Variants in NLRP14 observed in about 807,000 individuals in gnomAD.
The protein encoded by NLRP14 is NLR family pyrin domain containing 14, also known as NACHT, LRR and PYD domains-containing protein 14.
A neutral mutation model predicts 94.7 loss-of-function variants in NLRP14; 105 were observed. That is an observed-to-expected ratio of 1.11 (90% confidence interval 0.95 to 1.30). The LOEUF (loss-of-function observed/expected upper bound fraction) is 1.30. Ranked by LOEUF, NLRP14 falls within the 50% of genes most tolerant of loss-of-function variation. NLRP14 has a pLI of 0.00. For missense variants in NLRP14, 1,362 were observed against 1,254.1 expected, an observed-to-expected ratio of 1.09 and a Z score of -1.30; for synonymous variants, 508 against 459.9, an observed-to-expected ratio of 1.10 and a Z score of -1.34.
intron 1 of NLRP14, among the ~76,000 whole-genome samples, chr11:7,031,389 G>T (rs1280582736): frequency 6.6e-6 from 1 of 152,216 alleles, no homozygotes; most frequent in African/African-American, 2.4e-5. Context: ...CCCAGGGTGG[G>T]ACACTTCTGG....
Position 7,062,402 on chromosome 11 carries a change from C to T in NLRP14, c.2874C>T (p.Asn958=). The T allele has an allele frequency of 5.0e-6, 8 of 1,613,046 alleles. No individual in the cohort carries two copies. The highest frequency in any genetic ancestry group is 5.1e-6 in the Non-Finnish European group (6 of 1,179,290). The change falls in exon 10 of 12, where the codon AAC becomes AAT. Residue 958 remains asparagine (N), a synonymous_variant. Coordinates refer to ENST00000299481, the MANE Select transcript of NLRP14 (RefSeq NM_176822.4). ...DLASVILNNP[N]LRSLDLGNND... ...CTTCTGTTATTTTGAATAACCCAAA[C>T]CTGAGGAGCCTGGACCTTGGGAACA...
intron 6 of NLRP14, among the ~76,000 whole-genome samples, chr11:7,052,393 G>C (rs888712089): frequency 3.9e-5 from 6 of 152,218 alleles, no homozygotes; most frequent in Admixed American, 3.9e-4. Flanking sequence ...AGCACTTTGT[G>C]AGGCTGACAA....
At chr11:7,040,571 G>A (rs1269098287) in intron 3 of NLRP14, among the ~76,000 whole-genome samples, 2 of 152,078 alleles carry the variant, frequency 1.3e-5, no homozygotes, top group East Asian at 3.9e-4. Flanking sequence ...TCAGACCACT[G>A]GTTTATTAAC....
Position 7,043,579 on chromosome 11 carries a change from C to T in NLRP14, c.1553C>T (p.Thr518Ile), listed in dbSNP as rs763649817. 6 of 1,614,048 alleles carry T rather than the reference C, an allele frequency of 3.7e-6. No individual in the cohort carries two copies. Among genetic ancestry groups the T allele is most frequent in the African/African-American group, 2.7e-5 (2 of 74,924 alleles). The change falls in exon 4 of 12, where the codon ACA (threonine) becomes ATA (isoleucine). Residue 518 changes from threonine to isoleucine, a missense_variant. Physicochemically the swap from Thr to Ile is moderately conservative, Grantham distance 89. Transcript: ENST00000299481. ...FEDLKSLLQS[T>I]SYKDPHLTQM... The stretch of plus-strand genomic sequence containing the variant: ...GATTTGAAGTCATTACTTCAAAGCA[C>T]AAGTTATAAAGACCCCCATTTGACA...
At chr11:7,048,985 G>T (rs79185627) in intron 5 of NLRP14, among the ~76,000 whole-genome samples, 3 of 151,050 alleles carry the variant, frequency 2.0e-5, no homozygotes, top group Non-Finnish European at 2.9e-5. Context: ...TTATTTTCCT[G>T]TGTGTACTTG....
chr11:7,056,515 CAA>C (rs60703550), intron 6 of NLRP14, among the ~76,000 whole-genome samples: 2,173 of 122,810 alleles, frequency 0.018, 38 homozygotes, highest in African/African-American at 0.055. Context: ...AGCACTAATA[CAA>C]AAAAAAAAAA....
chr11:7,046,289 C>T (rs1032782601), intron 4 of NLRP14, among the ~76,000 whole-genome samples: 3 of 152,156 alleles, frequency 2.0e-5, no homozygotes, highest in African/African-American at 4.8e-5. Context: ...TACCACTTTA[C>T]ACCTAATGTC....
chr11:7,042,367 A>G (rs752739948), intron 3 of NLRP14, 21 bp from the exon 4 acceptor site: 81 of 1,608,142 alleles, frequency 5.0e-5, no homozygotes, highest in Non-Finnish European at 6.5e-5. Flanking sequence ...TTGTTTTTTT[A>G]CCTTTGCCAT....
chr11:7,088,376 C>T, the NLRP14 span, among the ~76,000 whole-genome samples: 3 of 152,060 alleles, frequency 2.0e-5, no homozygotes, highest in African/African-American at 7.2e-5. Flanking sequence ...TATATTACAG[C>T]TCAAGGCATG....
At position 7,046,930 on chromosome 11, in the gene NLRP14, A is replaced by G. The variant is rs1852361517; in HGVS notation, c.2123+98A>G. The G allele has an allele frequency of 6.8e-6, 6 of 882,018 alleles. No individual in the cohort carries two copies. In the Admixed American group the frequency reaches 8.6e-5, roughly 13 times the overall value. 54.6% of individuals were successfully genotyped at this position (882,018 alleles called of 1,614,324 possible). On this transcript the variant is annotated intron_variant, in intron 5 of 11. Transcript: ENST00000299481. The stretch of plus-strand genomic sequence containing the variant: ...GTTAGGGGAAGCCAATGCTAAACAA[A>G]TACTTACAATCCATTTTGTAAAATA...
intron 5 of NLRP14, among the ~76,000 whole-genome samples, chr11:7,049,294 C>T (rs1852405707): frequency 6.6e-6 from 1 of 152,164 alleles, no homozygotes; most frequent in African/African-American, 2.4e-5. Context: ...GTTATTACTG[C>T]ACATCAGACA....
intron 11 of NLRP14, 52 bp downstream of exon 11, chr11:7,070,508 G>A (rs774326238): frequency 2.3e-6 from 3 of 1,313,690 alleles, no homozygotes; most frequent in Non-Finnish European, 3.3e-6. Context: ...TGAGGGATTT[G>A]GGGAGCCACT....
At chr11:7,068,530 T>C (rs750041480) in intron 10 of NLRP14, among the ~76,000 whole-genome samples, 1 of 152,242 alleles carries the variant, frequency 6.6e-6, no homozygotes, top group Admixed American at 6.5e-5. Flanking sequence ...TTTCTTTTTA[T>C]ATTCAGTCTG....
At chr11:7,090,253 G>A in the NLRP14 span, 13 of 1,608,784 alleles carry the variant, frequency 8.1e-6, no homozygotes, top group Admixed American at 8.4e-5. Flanking sequence ...GGCGGAGGCC[G>A]TCTAGGAGGC....
chr11:7,090,794 C>G, the NLRP14 span: 1 of 171,942 alleles, frequency 5.8e-6, no homozygotes, highest in African/African-American at 2.4e-5. Flanking sequence ...TATTAAAAAG[C>G]AAACAACCAG....
At chr11:7,060,112 T>C (rs770984922) in intron 9 of NLRP14, 48 bp downstream of exon 9, 2 of 1,485,140 alleles carry the variant, frequency 1.3e-6, no homozygotes, top group Non-Finnish European at 1.9e-6. Flanking sequence ...CAACAGAGTG[T>C]CTGGGGAGAT....
At chr11:7,079,194 C>T in the NLRP14 span, among the ~76,000 whole-genome samples, 1 of 152,180 alleles carries the variant, frequency 6.6e-6, no homozygotes, top group Admixed American at 6.5e-5. Flanking sequence ...ATACGTTTAT[C>T]TTCTTCATCT....
At position 7,046,675 on chromosome 11, in the gene NLRP14, G is replaced by A. The variant is rs371823884; in HGVS notation, c.1966G>A (p.Asp656Asn). Residue 656 changes from aspartate (D) to asparagine (N), a missense_variant, in exon 5 of 12, where the codon GAT becomes AAT. Physicochemically the swap from Asp to Asn is conservative, Grantham distance 23 (BLOSUM62 1). Coordinates refer to ENST00000299481, the MANE Select transcript of NLRP14 (RefSeq NM_176822.4). Reference protein sequence around the residue: ...TSLPTNTWDGDRITHCWQDLC... With the variant: ...TSLPTNTWDGNRITHCWQDLC... ...TCAATTATTTATGCAAAGGGATGGT[G>A]ATCGCATTACTCACTGTTGGCAAGA... is the stretch of plus-strand genomic sequence containing the variant. The A allele has an allele frequency of 2.0e-5, 32 of 1,613,302 alleles. No individual in the cohort carries two copies. The highest frequency in any genetic ancestry group is 2.6e-5 in the Non-Finnish European group (31 of 1,179,244).
Position 7,046,736 on chromosome 11 carries a change from G to C in NLRP14, c.2027G>C (p.Arg676Thr), listed in dbSNP as rs199475883. Residue 676 changes from arginine (R) to threonine (T), a missense_variant, in exon 5 of 12, where the codon AGA becomes ACA. Physicochemically the swap from Arg to Thr is moderately conservative, Grantham distance 71. Coordinates refer to ENST00000299481, the MANE Select transcript of NLRP14 (RefSeq NM_176822.4). ...CSVLHTNEHL[R>T]ELDLYHSNLD... is the part of the protein sequence containing the mutation. ...GTGCTTCATACAAATGAACACTTGA[G>C]AGAATTGGACCTGTACCATAGCAAC... The C allele has an allele frequency of 2.5e-6, 4 of 1,613,476 alleles. No homozygotes were observed. In the African/African-American group the frequency reaches 5.3e-5, roughly 22 times the overall value.
Sources: allele counts gnomAD v4.1 joint callset (sites outside exome capture counted in the v4.1 genomes callset), GRCh38; gene constraint gnomAD v4.1.1; transcripts MANE v1.5; gene names NCBI Gene and HGNC (gene_info 2026-07-23, HGNC 2026-07-21).